The following KCNH1 variants were observed in gnomAD, a reference collection of about 807,000 sequenced individuals.
The protein encoded by KCNH1 is potassium voltage-gated channel subfamily H member 1, also known as voltage-gated delayed rectifier potassium channel KCNH1.
In KCNH1, 27 loss-of-function variants were observed where a neutral mutation model predicts 69.2. That is an observed-to-expected ratio of 0.39 (90% CI 0.29 to 0.54). The LOEUF (loss-of-function observed/expected upper bound fraction) is 0.54. Among genes scored for constraint, KCNH1 ranks in the 20% least tolerant of loss-of-function variants. The pLI is 0.68. For missense variants in KCNH1, 798 were observed against 1,261.6 expected, an observed-to-expected ratio of 0.63 and a Z score of 5.57; for synonymous variants, 456 against 487.7, an observed-to-expected ratio of 0.93 and a Z score of 0.86.
Position 210,985,378 on chromosome 1 carries a change from G to C in KCNH1, c.1032+33405C>G, listed in dbSNP as rs1283339236. On this transcript the variant is annotated intron_variant, in intron 6 of 10. Coordinates refer to ENST00000271751, the MANE Select transcript of KCNH1 (RefSeq NM_172362.3). Reference sequence around the variant, plus strand: ...TAGTTCTTTTAATTGTGATGTCAGGGTGTCAATTTTGGATCTTTCCTGCTT... The same window carrying C: ...TAGTTCTTTTAATTGTGATGTCAGGCTGTCAATTTTGGATCTTTCCTGCTT... Among the ~76,000 whole-genome samples the C allele has an allele frequency of 3.3e-5, 5 of 152,096 alleles. No homozygotes were observed. In the East Asian group the frequency reaches 7.7e-4, roughly 23 times the overall value.
Position 210,919,575 on chromosome 1 carries a change from G to A in KCNH1, c.1462+65C>T. On this transcript the variant is annotated intron_variant, in intron 7 of 10. Transcript: ENST00000271751. This position sits in a 1 kb window ranked among gnomAD's most constrained non-coding sequence, Gnocchi z 4.2. The stretch of plus-strand genomic sequence containing the variant: ...TTCTCCTGATCCTGCTGGCACTGTA[G>A]CCATTTCCCTGTTTCCAGCTAACAG... 7.1e-7 allele frequency: 1 copy of A among 1,406,042 alleles called. No individual in the cohort carries two copies. The highest frequency in any genetic ancestry group is 9.9e-7 in the Non-Finnish European group (1 of 1,008,808). The allele number at this position is 1,406,042 out of a possible 1,614,324, so 87.1% of individuals were successfully genotyped here. A position where few individuals can be genotyped will look rare whatever the true frequency, so the allele number is the denominator to read the frequency against.
intron 7 of KCNH1, among the ~76,000 whole-genome samples, chr1:210,833,020 G>T (rs978086671): frequency 6.6e-5 from 10 of 151,040 alleles, no homozygotes; most frequent in Non-Finnish European, 1.5e-4. Context: ...TAAACATTTA[G>T]CTTTAAGTTT....
At chr1:211,018,714 C>T in intron 6 of KCNH1, 69 bp downstream of exon 6, 1 of 1,221,408 alleles carries the variant, frequency 8.2e-7, no homozygotes, top group South Asian at 1.4e-5. Context: ...AATTATTCTT[C>T]TGTTGACCAC....
chr1:211,089,119 T>C (rs1691008062), intron 4 of KCNH1, among the ~76,000 whole-genome samples: 1 of 151,952 alleles, frequency 6.6e-6, no homozygotes, highest in South Asian at 2.1e-4. Context: ...ATCACATAAC[T>C]TAAGTTTTTA....
At chr1:210,846,685 C>T (rs898744899) in intron 7 of KCNH1, among the ~76,000 whole-genome samples, 2 of 152,146 alleles carry the variant, frequency 1.3e-5, no homozygotes, top group African/African-American at 4.8e-5. Flanking sequence ...GACTTCATGT[C>T]TAAAACACCA....
intron 7 of KCNH1, among the ~76,000 whole-genome samples, chr1:210,854,961 G>T (rs774050847): frequency 6.6e-6 from 1 of 152,188 alleles, no homozygotes; most frequent in African/African-American, 2.4e-5. Flanking sequence ...GACAATAGAG[G>T]TTTAGCTGGT....
chr1:211,076,946 A>G (rs1207441644), intron 5 of KCNH1, among the ~76,000 whole-genome samples: 1 of 152,260 alleles, frequency 6.6e-6, no homozygotes, highest in Non-Finnish European at 1.5e-5. Context: ...CCATGGCACA[A>G]GAACTATGCG....
rs1688081147 is a variant in KCNH1, at chr1:210,952,427, A to G, written c.1033-32358T>C. ...GAGTCCTTACTATGTGCAGGTGCTG[A>G]TCTAAGCACAAACATCAAGCCTGGT... is the stretch of plus-strand genomic sequence containing the variant. On this transcript the variant is annotated intron_variant, in intron 6 of 10. Transcript: ENST00000271751. Among the ~76,000 whole-genome samples, 4 of 152,206 alleles carry G rather than the reference A, an allele frequency of 2.6e-5. No homozygotes were observed. The South Asian group carries it at 8.3e-4, about 32-fold the overall frequency.
intron 5 of KCNH1, among the ~76,000 whole-genome samples, chr1:211,039,985 C>G (rs368427658): frequency 6.6e-6 from 1 of 151,918 alleles, no homozygotes; most frequent in East Asian, 1.9e-4. Context: ...GTCAGGAGAT[C>G]GAGACCATCC....
At chr1:210,913,702 T>C (rs1021071344) in intron 7 of KCNH1, among the ~76,000 whole-genome samples, 3 of 152,220 alleles carry the variant, frequency 2.0e-5, no homozygotes, top group Admixed American at 6.5e-5. Context: ...ACTGACGGAA[T>C]AAGACTATGG....
intron 9 of KCNH1, among the ~76,000 whole-genome samples, chr1:210,797,093 A>C (rs1469615613): frequency 2.0e-5 from 3 of 147,688 alleles, no homozygotes; most frequent in Non-Finnish European, 4.5e-5. Flanking sequence ...AAAGGATTTG[A>C]CACATGCTAT....
chr1:210,734,449 TA>T (rs1287941582), intron 10 of KCNH1, among the ~76,000 whole-genome samples: 1 of 152,124 alleles, frequency 6.6e-6, no homozygotes, highest in South Asian at 2.1e-4. Context: ...TCAGGGCCCA[TA>T]AAAAAACAGC....
At chr1:211,123,256 A>C (rs1691720050) in intron 1 of KCNH1, among the ~76,000 whole-genome samples, 1 of 152,174 alleles carries the variant, frequency 6.6e-6, no homozygotes, top group Admixed American at 6.5e-5. Context: ...AACAACCAAT[A>C]GTCAGGGCTG....
rs181158976 is a variant in KCNH1, at chr1:210,837,663, C to T, written c.1463-33497G>A. Reference sequence around the variant, plus strand: ...AGACCACACAAAGTAGTAGGAAGTACAAGAACCTTGGAATCGGCCATCCCT... The same window carrying T: ...AGACCACACAAAGTAGTAGGAAGTATAAGAACCTTGGAATCGGCCATCCCT... On this transcript the variant is annotated intron_variant, in intron 7 of 10. Transcript: ENST00000271751. Among the ~76,000 whole-genome samples the T allele has an allele frequency of 6.8e-4, 104 of 152,264 alleles. 1 individual carries two copies. The highest frequency in any genetic ancestry group is 2.9e-5 in the Non-Finnish European group (2 of 68,028).
At chr1:210,700,759 T>C (rs1252513421) in intron 10 of KCNH1, among the ~76,000 whole-genome samples, 3 of 152,180 alleles carry the variant, frequency 2.0e-5, no homozygotes, top group Non-Finnish European at 4.4e-5. Flanking sequence ...CAATGGAACT[T>C]AAAAGTAGGT....
chr1:210,681,666 CTT>C lies in KCNH1; in HGVS notation c.*1613_*1614del, dbSNP rs1681269764. 6.6e-6 allele frequency: 1 copy of C among 152,506 alleles called. No individual in the cohort carries two copies. The highest frequency in any genetic ancestry group is 1.5e-5 in the Non-Finnish European group (1 of 68,290). The allele number at this position is 152,506 out of a possible 1,614,324, so 9.4% of individuals were successfully genotyped here. ...GGAGGCTCTCAGAAACACTGAATAT[CTT>C]TGGTAGGGCAGAGGTACCAGGAATG... On this transcript the variant is annotated 3_prime_UTR_variant, in exon 11 of 11. Coordinates refer to ENST00000271751, the MANE Select transcript of KCNH1 (RefSeq NM_172362.3).
chr1:210,872,684 A>G (rs1192635199), intron 7 of KCNH1, among the ~76,000 whole-genome samples: 1 of 152,070 alleles, frequency 6.6e-6, no homozygotes, highest in East Asian at 1.9e-4. Flanking sequence ...GGTGCTACAC[A>G]CTTATAAACG....
At chr1:211,034,681 A>T (rs1689861577) in intron 5 of KCNH1, among the ~76,000 whole-genome samples, 1 of 152,230 alleles carries the variant, frequency 6.6e-6, no homozygotes, top group South Asian at 2.1e-4. Flanking sequence ...CTGAATGTAG[A>T]TGAATTACAA....
chr1:210,881,327 A>C (rs1279160290), intron 7 of KCNH1, among the ~76,000 whole-genome samples: 1 of 152,172 alleles, frequency 6.6e-6, no homozygotes. Flanking sequence ...ACATCTTTAC[A>C]CACATATTAG....
Sources: gnomAD v4.1 joint callset for allele counts (sites outside exome capture counted in the v4.1 genomes callset) on GRCh38, gnomAD v4.1.1 for gene constraint, Gnocchi (gnomAD v3.1) non-coding constraint, MANE v1.5 for transcripts, NCBI Gene and HGNC (gene_info 2026-07-23, HGNC 2026-07-21) for gene names.